Variants in STAU1 observed in about 807,000 individuals in gnomAD.
The protein encoded by STAU1 is staufen double-stranded RNA binding protein 1.
In STAU1, 13 loss-of-function variants were observed where a neutral mutation model predicts 62.9. The observed-to-expected ratio is 0.21, with a 90% CI of 0.13 to 0.33. The LOEUF (loss-of-function observed/expected upper bound fraction) is 0.33. STAU1 is among the 10% of genes least tolerant of loss of function. The pLI is 1.00. For missense variants in STAU1, 571 were observed against 712.1 expected (o/e 0.80, Z 2.25); for synonymous variants, 269 against 265.1 (o/e 1.01, Z -0.14).
chr20:49,125,650 T>C (rs1425929317), intron 6 of STAU1, among the ~76,000 whole-genome samples: 2 of 148,804 alleles, frequency 1.3e-5, no homozygotes, highest in Non-Finnish European at 3.0e-5. Flanking sequence ...ATCGAGACCA[T>C]CCTGGCTAAC....
Position 49,113,489 on chromosome 20 carries a change from A to T in STAU1, c.*1389T>A, listed in dbSNP as rs981560645. The T allele has an allele frequency of 6.5e-6, 1 of 152,676 alleles. No individual in the cohort carries two copies. The highest frequency in any genetic ancestry group is 1.5e-5 in the Non-Finnish European group (1 of 68,056). The allele number at this position is 152,676 out of a possible 1,614,324, so 9.5% of individuals were successfully genotyped here. ...CAAGTTGGGAGGGGACCAACCTAGC[A>T]GTAGTGGCATTTGAGAATAAATTAA... is the stretch of plus-strand genomic sequence containing the variant. On this transcript the variant is annotated 3_prime_UTR_variant, in exon 14 of 14. Coordinates refer to ENST00000371856, the MANE Select transcript of STAU1 (RefSeq NM_017453.4).
At chr20:49,197,482 C>G in the STAU1 span, among the ~76,000 whole-genome samples, 1 of 151,438 alleles carries the variant, frequency 6.6e-6, no homozygotes, top group Non-Finnish European at 1.5e-5. Context: ...GCTCACTCCA[C>G]CTCTGCCTGC....
chr20:49,152,664 G>C (rs2093275711), intron 4 of STAU1, among the ~76,000 whole-genome samples: 1 of 152,016 alleles, frequency 6.6e-6, no homozygotes, highest in Admixed American at 6.6e-5. Flanking sequence ...ATTACTGCCA[G>C]CAGAAGATTT....
At chr20:49,214,226 C>A in the STAU1 span, among the ~76,000 whole-genome samples, 3 of 147,714 alleles carry the variant, frequency 2.0e-5, no homozygotes, top group Admixed American at 6.8e-5. Flanking sequence ...CAAAACAAAA[C>A]AAAAAGAAAG....
chr20:49,194,790 G>T, the STAU1 span, among the ~76,000 whole-genome samples: 1 of 152,024 alleles, frequency 6.6e-6, no homozygotes, highest in East Asian at 1.9e-4. Flanking sequence ...TGTTGGCCAG[G>T]CTGGTCTCCA....
Position 49,114,711 on chromosome 20 carries a change from C to T in STAU1, c.*167G>A, listed in dbSNP as rs1011491600. ...ACCCCAGCACAGTCCAGCCCGGCCA[C>T]AGCCGCCTCCTTGTGTTTCTGTTGT... On this transcript the variant is annotated 3_prime_UTR_variant, in exon 14 of 14. Transcript: ENST00000371856. The T allele has an allele frequency of 7.2e-6, 5 of 693,346 alleles. No homozygotes were observed. In the African/African-American group the frequency reaches 7.2e-5, roughly 10 times the overall value. The allele number at this position is 693,346 out of a possible 1,614,324, so 42.9% of individuals were successfully genotyped here.
At chr20:49,205,363 GTT>G in the STAU1 span, among the ~76,000 whole-genome samples, 11,800 of 117,586 alleles carry the variant, frequency 0.1, 445 homozygotes, top group African/African-American at 0.19. Flanking sequence ...CTTTATGACA[GTT>G]TTTTTTTTTT....
the STAU1 span, among the ~76,000 whole-genome samples, chr20:49,201,406 T>C: frequency 1.3e-5 from 2 of 152,100 alleles, no homozygotes; most frequent in African/African-American, 4.8e-5. Flanking sequence ...GAACTGCACA[T>C]TGACACTGTA....
Position 49,151,662 on chromosome 20 carries a change from T to C in STAU1, c.430A>G (p.Thr144Ala). 6.2e-7 allele frequency: 1 copy of C among 1,613,408 alleles called. No homozygotes were observed. The highest frequency in any genetic ancestry group is 8.5e-7 in the Non-Finnish European group (1 of 1,179,772). ...GCATCGTGTTTCGCAGCCTGTCTTG[T>C]CTTTCCTTTGCCATTAAATTGCTGT... is the stretch of plus-strand genomic sequence containing the variant. ...GGQQFNGKGK[T>A]RQAAKHDAAA... is the part of the protein sequence containing the mutation. The change falls in exon 5 of 14, where the codon ACA (threonine) becomes GCA (alanine). Residue 144 changes from threonine to alanine, a missense_variant. Transcript: ENST00000371856.
intron 1 of STAU1, among the ~76,000 whole-genome samples, chr20:49,186,127 C>T (rs1271454572): frequency 6.6e-6 from 1 of 152,064 alleles, no homozygotes; most frequent in Non-Finnish European, 1.5e-5. Context: ...GAGGGTGGAT[C>T]ACGAGGTTAG....
chr20:49,138,334 T>A (rs79669339), intron 5 of STAU1, among the ~76,000 whole-genome samples: 1,707 of 152,130 alleles, frequency 0.011, 33 homozygotes, highest in African/African-American at 0.038. Context: ...GTTAAAAAAA[T>A]ATATATATAA....
At chr20:49,209,581 T>C in the STAU1 span, among the ~76,000 whole-genome samples, 1 of 151,918 alleles carries the variant, frequency 6.6e-6, no homozygotes, top group Non-Finnish European at 1.5e-5. Flanking sequence ...CTGTCACTAC[T>C]AAAAGCACAA....
chr20:49,171,576 C>T (rs957684703), intron 2 of STAU1, among the ~76,000 whole-genome samples: 2 of 152,176 alleles, frequency 1.3e-5, no homozygotes, highest in East Asian at 1.9e-4. Context: ...CGTGAGCCAC[C>T]GCACCCAGCC....
the STAU1 span, among the ~76,000 whole-genome samples, chr20:49,196,931 C>T: frequency 7.9e-5 from 12 of 152,152 alleles, no homozygotes; most frequent in South Asian, 4.2e-4. Flanking sequence ...CCGAGGCAGG[C>T]GGATTGCCTG....
chr20:49,149,248 C>CA (rs1203773042), intron 5 of STAU1, among the ~76,000 whole-genome samples: 8 of 68,784 alleles, frequency 1.2e-4, no homozygotes, highest in African/African-American at 5.1e-4. Flanking sequence ...GAGACTGTCT[C>CA]AAAACACACA....
chr20:49,214,276 G>C, the STAU1 span, among the ~76,000 whole-genome samples: 1 of 151,970 alleles, frequency 6.6e-6, no homozygotes, highest in African/African-American at 2.4e-5. Flanking sequence ...CCAGCACTTT[G>C]GGAGGCCAAG....
rs985921901 is a variant in STAU1 at position 49,132,051 on chromosome 20, G to A, written c.609+3782C>T. On this transcript the variant is annotated intron_variant, in intron 6 of 13. Transcript: ENST00000371856. ...GCACTCTTTTTTTTTTTGGTGTAGG[G>A]GAAGGAGGTAGCGGAGAATGGGGGG... Among the ~76,000 whole-genome samples, 4 of 151,808 alleles carry A rather than the reference G, an allele frequency of 2.6e-5. 1 individual carries two copies. Among genetic ancestry groups the A allele is most frequent in the Admixed American group, 2.6e-4 (4 of 15,240 alleles).
At chr20:49,196,434 C>CAA in the STAU1 span, among the ~76,000 whole-genome samples, 2 of 50,102 alleles carry the variant, frequency 4.0e-5, no homozygotes, top group African/African-American at 9.6e-5. Context: ...GACTCCGTCT[C>CAA]AAAACAAAAC....
Position 49,114,808 on chromosome 20 carries a change from T to A in STAU1, c.*70A>T. ...CACTGGAGGTATCAGAAATTCCAAA[T>A]TTTCAAAGCAGTTTCAGTATTTTCA... On this transcript the variant is annotated 3_prime_UTR_variant, in exon 14 of 14. Coordinates refer to ENST00000371856, the MANE Select transcript of STAU1 (RefSeq NM_017453.4). The A allele has an allele frequency of 6.5e-7, 1 of 1,533,684 alleles. No individual in the cohort carries two copies.
Sources: gnomAD v4.1 joint callset for allele counts (sites outside exome capture counted in the v4.1 genomes callset) on GRCh38, gnomAD v4.1.1 for gene constraint, MANE v1.5 for transcripts, NCBI Gene and HGNC (gene_info 2026-07-23, HGNC 2026-07-21) for gene names.